The following BAZ2A variants were observed in gnomAD, a reference collection of about 807,000 sequenced individuals.
BAZ2A encodes bromodomain adjacent to zinc finger domain protein 2A.
A neutral mutation model predicts 199.9 loss-of-function variants in BAZ2A; 34 were observed. That is an observed-to-expected ratio of 0.17 (90% CI 0.13 to 0.23). The LOEUF is 0.23. BAZ2A is among the 10% of genes least tolerant of loss of function. The pLI is 1.00. For synonymous variants in BAZ2A, 857 were observed against 883.9 expected, an observed-to-expected ratio of 0.97 and a Z score of 0.54; for missense variants, 2,002 against 2,391.1, an observed-to-expected ratio of 0.84 and a Z score of 3.39.
Position 56,610,212 on chromosome 12 carries a change from G to A in BAZ2A, c.1783C>T (p.Leu595=). The A allele has an allele frequency of 6.2e-7, 1 of 1,613,838 alleles. No homozygotes were observed. Among genetic ancestry groups the A allele is most frequent in the Non-Finnish European group, 8.5e-7 (1 of 1,179,850 alleles). The part of the protein sequence containing the change: ...MKQFPEVIKY[L]SRNVVHSVRR... ...ACACTGTGTACCACGTTGCGGCTCAGGTACTAAGAGGAAGAAGTAAAGTAA... is the reference window on the plus strand; with the variant it reads ...ACACTGTGTACCACGTTGCGGCTCAAGTACTAAGAGGAAGAAGTAAAGTAA... Residue 595 remains leucine, a synonymous_variant, in exon 9 of 29, where the codon CTG becomes TTG. Coordinates refer to ENST00000549884, the MANE Select transcript of BAZ2A (RefSeq NM_001300905.2).
At chr12:56,610,352 A>G in intron 8 of BAZ2A, 57 bp downstream of exon 8, 2 of 1,582,180 alleles carry the variant, frequency 1.3e-6, no homozygotes, top group Admixed American at 1.7e-5. Flanking sequence ...AGTCTTGGGC[A>G]GTGGAAAGGA....
At position 56,600,014 on chromosome 12, in the gene BAZ2A, G is replaced by A. The variant is rs368146122; in HGVS notation, c.4975C>T (p.Leu1659=). Residue 1659 remains leucine, a synonymous_variant, in exon 25 of 29, where the codon CTG becomes TTG. Coordinates refer to ENST00000549884, the MANE Select transcript of BAZ2A (RefSeq NM_001300905.2). ...CRSAAQVCLC[L]GQLERSIAWE... is the part of the protein sequence containing the mutation. ...GCAATGGACCTCTCCAGCTGGCCCA[G>A]GCACAAGCACACCTGGGCTGCGCTC... 1.9e-6 allele frequency: 3 copies of A among 1,614,014 alleles called. No homozygotes were observed. The highest frequency in any genetic ancestry group is 1.7e-5 in the Admixed American group (1 of 60,022).
intron 8 of BAZ2A, 74 bp from the exon 9 acceptor site, chr12:56,610,289 G>C (rs932566268): frequency 1.3e-6 from 2 of 1,583,948 alleles, no homozygotes; most frequent in African/African-American, 2.7e-5. Flanking sequence ...GGCATAAGCA[G>C]AACAGGCCCA....
upstream of BAZ2A, among the ~76,000 whole-genome samples, chr12:56,637,059 A>G (rs953433676): frequency 1.3e-5 from 2 of 152,240 alleles, no homozygotes; most frequent in African/African-American, 2.4e-5. Flanking sequence ...GGTGGAGCTT[A>G]TAGATACAGG....
In BAZ2A at chr12:56,605,230, T is replaced by C. The variant is rs755095879; in HGVS notation, c.2591A>G (p.Lys864Arg). 9 of 1,613,614 alleles carry C rather than the reference T, an allele frequency of 5.6e-6. No homozygotes were observed. The highest frequency in any genetic ancestry group is 1.7e-6 in the Non-Finnish European group (2 of 1,179,832). Residue 864 changes from lysine (K) to arginine (R), a missense_variant, in exon 14 of 29, where the codon AAG (lysine) becomes AGG (arginine). Around this residue, in one of 6 missense-constraint regions of BAZ2A, gnomAD observed 1,081 missense variants for 1,274.7 expected, o/e 0.85. Transcript: ENST00000549884. The stretch of plus-strand genomic sequence containing the variant: ...TTTGGCAGGATCAAAGCCCAGCACC[T>C]TGCCAAAGCTATGCAGGAACTCCAC... ...TIVEFLHSFG[K>R]VLGFDPAKDV...
chr12:56,604,209 G>C lies in BAZ2A; in HGVS notation c.3038+8C>G. ...TCTCTGAGGCTCTACTCTCTGTCTG[G>C]TCCCTACCTCCGGAGCCGGCCTTCA... On this transcript the variant is annotated splice_region_variant and intron_variant, in intron 16 of 28. Coordinates refer to ENST00000549884, the MANE Select transcript of BAZ2A (RefSeq NM_001300905.2). 6.2e-7 allele frequency: 1 copy of C among 1,600,928 alleles called. No homozygotes were observed. The highest frequency in any genetic ancestry group is 8.5e-7 in the Non-Finnish European group (1 of 1,172,832).
chr12:56,634,779 CAG>C (rs1170332363), upstream of BAZ2A, among the ~76,000 whole-genome samples: 1 of 152,042 alleles, frequency 6.6e-6, no homozygotes, highest in Non-Finnish European at 1.5e-5. Flanking sequence ...TCGCGGAGGA[CAG>C]GGGGAAAATG....
chr12:56,608,458 TAA>T (rs1209605082), intron 10 of BAZ2A, among the ~76,000 whole-genome samples: 1 of 152,010 alleles, frequency 6.6e-6, no homozygotes, highest in Non-Finnish European at 1.5e-5. Context: ...ATCAAAAGAC[TAA>T]GTTTTTTCAC....
chr12:56,601,452 G>C (rs878960119), intron 20 of BAZ2A, 50 bp from the exon 21 acceptor site: 1 of 1,593,062 alleles, frequency 6.3e-7, no homozygotes, highest in South Asian at 1.1e-5. Flanking sequence ...CATGTTTATA[G>C]GTTCCCTCAA....
chr12:56,625,875 C>CAAAA (rs748737235), intron 1 of BAZ2A, among the ~76,000 whole-genome samples: 21 of 54,984 alleles, frequency 3.8e-4, no homozygotes, highest in African/African-American at 6.0e-4. Context: ...AACTCCGTCT[C>CAAAA]AAAAAAAAAA....
In BAZ2A at chr12:56,616,830, A is replaced by T. The variant is rs550618020; in HGVS notation, c.136+565T>A. Among the ~76,000 whole-genome samples the T allele has an allele frequency of 2.0e-5, 3 of 152,270 alleles. No individual in the cohort carries two copies. In the East Asian group the frequency reaches 5.8e-4, roughly 29 times the overall value. ...ACCTGGCGAGTCATGGTACAGAGCA[A>T]CTGGTAAGCCAAATCCAGGAAAAGA... On this transcript the variant is annotated intron_variant, in intron 2 of 28. Coordinates refer to ENST00000549884, the MANE Select transcript of BAZ2A (RefSeq NM_001300905.2).
In BAZ2A at chr12:56,606,644, T is replaced by G. The variant is rs377539973; in HGVS notation, c.2182A>C (p.Ile728Leu). ...KVQRGECQTT[I>L]QGQARNKRKQ... ...CTGATGTCCCTCACCTGCCCTTGGATAGTAGTCTGACACTCTCCCCGTTGA... is the reference window on the plus strand; with the variant it reads ...CTGATGTCCCTCACCTGCCCTTGGAGAGTAGTCTGACACTCTCCCCGTTGA... The change falls in exon 11 of 29, where the codon ATC (isoleucine) becomes CTC (leucine). Residue 728 changes from isoleucine to leucine, a missense_variant. Ile to Leu is a conservative substitution (Grantham distance 5). This residue lies in a region of BAZ2A where 1,081 missense variants were observed against 1,274.7 expected (regional missense o/e 0.85). Transcript: ENST00000549884. 1 of 1,613,578 alleles carries G rather than the reference T, an allele frequency of 6.2e-7. No homozygotes were observed. Among genetic ancestry groups the G allele is most frequent in the South Asian group, 1.1e-5 (1 of 91,054 alleles).
rs564104432 is a variant in BAZ2A at position 56,600,931 on chromosome 12, G to A, written c.4450+12C>T. 1.2e-6 allele frequency: 2 copies of A among 1,613,610 alleles called. No individual in the cohort carries two copies. Among genetic ancestry groups the A allele is most frequent in the South Asian group, 1.1e-5 (1 of 91,054 alleles). On this transcript the variant is annotated intron_variant, in intron 22 of 28. Transcript: ENST00000549884. ...GCTCTTCAGCTCAAGCTGGGTGTAG[G>A]AATGTATTTACCAGCTGAGGGCCGC...
At chr12:56,635,112 G>A, upstream of BAZ2A, 1 of 894,782 alleles carries the variant, frequency 1.1e-6, no homozygotes, top group Non-Finnish European at 1.3e-6. The surrounding 1 kb of genome is among the most constrained non-coding windows in gnomAD (Gnocchi z 4.1). Flanking sequence ...CCGCTCAGGA[G>A]AGCAGTCGCG....
chr12:56,600,890 T>A, intron 22 of BAZ2A, 53 bp downstream of exon 22: 12 of 1,611,596 alleles, frequency 7.4e-6, no homozygotes, highest in Non-Finnish European at 1.0e-5. Flanking sequence ...TAGCAGCAGC[T>A]CAATGCTTAT....
Position 56,615,369 on chromosome 12 carries a change from A to C in BAZ2A, c.375T>G (p.Leu125=). ...GGGATGAAGGTTGCCGGCTGCCCCC[A>C]AGGATGCCGTTGAGTGGGTATTGTC... ...SGGQYPLNGI[L]GGSRQPSSPS... The change falls in exon 3 of 29, where the codon CTT becomes CTG. Residue 125 remains leucine, a synonymous_variant. Transcript: ENST00000549884. The C allele has an allele frequency of 6.2e-7, 1 of 1,613,454 alleles. No homozygotes were observed. Among genetic ancestry groups the C allele is most frequent in the South Asian group, 1.1e-5 (1 of 91,046 alleles).
chr12:56,605,569 A>T, intron 13 of BAZ2A: 2 of 608,374 alleles, frequency 3.3e-6, no homozygotes, highest in Non-Finnish European at 5.6e-6. Context: ...CTACAGGTAC[A>T]TGCCACCACA....
At chr12:56,605,365 AT>A (rs1565814348) in intron 13 of BAZ2A, 38 bp from the exon 14 acceptor site, 1 of 1,538,420 alleles carries the variant, frequency 6.5e-7, no homozygotes. Flanking sequence ...TCTGTTAAAC[AT>A]AACAGAAGAT....
chr12:56,606,077 A>G lies in BAZ2A; in HGVS notation c.2260-14T>C. 1.3e-6 allele frequency: 2 copies of G among 1,551,400 alleles called. No homozygotes were observed. Among genetic ancestry groups the G allele is most frequent in the Non-Finnish European group, 1.7e-6 (2 of 1,146,958 alleles). On this transcript the variant is annotated splice_polypyrimidine_tract_variant and intron_variant, in intron 12 of 28. Transcript: ENST00000549884. ...TTCTTTCTCAGCCTACCCAAGGAAG[A>G]GAGGAACCAAGACTGCCATAAAGAT...
Sources: allele counts gnomAD v4.1 joint callset (sites outside exome capture counted in the v4.1 genomes callset), GRCh38; gene constraint gnomAD v4.1.1; regional missense constraint gnomAD v4.1.1; non-coding constraint Gnocchi (gnomAD v3.1); transcripts MANE v1.5; gene names NCBI Gene and HGNC (gene_info 2026-07-23, HGNC 2026-07-21).